TECPR2: variants seen among roughly 807,000 people sequenced by gnomAD.
TECPR2 encodes the protein tectonin beta-propeller repeat containing 2.
TECPR2 carries 65 observed loss-of-function variants against 138.1 expected under a neutral mutation model. The observed-to-expected ratio is 0.47, with a 90% CI of 0.39 to 0.58. The LOEUF (loss-of-function observed/expected upper bound fraction) is 0.58. TECPR2 is among the 20% of genes least tolerant of loss of function. TECPR2 has a pLI of 0.00. For missense variants in TECPR2, 1,553 were observed against 1,824.5 expected, an observed-to-expected ratio of 0.85 and a Z score of 2.71; for synonymous variants, 746 against 749.8, an observed-to-expected ratio of 0.99 and a Z score of 0.08.
In TECPR2 at chr14:102,467,171, T is replaced by C. The variant is rs75149285; in HGVS notation, c.3789+1882T>C. On this transcript the variant is annotated intron_variant, in intron 17 of 19. Coordinates refer to ENST00000359520, the MANE Select transcript of TECPR2 (RefSeq NM_014844.5). Reference sequence around the variant, plus strand: ...GGGAGGATGTATGTTCCCAGTTCTATTGGGTATCTGTCTGTAAGTGGAATT... The same window carrying C: ...GGGAGGATGTATGTTCCCAGTTCTACTGGGTATCTGTCTGTAAGTGGAATT... 4.5e-3 allele frequency among the ~76,000 whole-genome samples: 692 copies of C among 152,326 alleles called. 2 individuals are homozygous for C. The highest frequency in any genetic ancestry group is 0.01 in the Middle Eastern group (3 of 294).
At chr14:102,427,282 T>C (rs1889348739) in intron 6 of TECPR2, among the ~76,000 whole-genome samples, 1 of 152,248 alleles carries the variant, frequency 6.6e-6, no homozygotes, top group Admixed American at 6.5e-5. Flanking sequence ...TTTGTAACTG[T>C]GCATTGGTTC....
At chr14:102,444,103 G>A (rs910680502) in intron 12 of TECPR2, among the ~76,000 whole-genome samples, 5 of 151,976 alleles carry the variant, frequency 3.3e-5, no homozygotes, top group South Asian at 2.1e-4. Flanking sequence ...ATTGCCCACC[G>A]TCAGGTAGTT....
rs774896476 is a variant in TECPR2 at position 102,438,234 on chromosome 14, C to A, written c.2578+29C>A. On this transcript the variant is annotated intron_variant, in intron 10 of 19. Transcript: ENST00000359520. Reference sequence around the variant, plus strand: ...CGCCTCCCCGCTCCCTGCTCCCGCTCCCTGCTCCCGCTCGCCGCTCCTGCT... The same window carrying A: ...CGCCTCCCCGCTCCCTGCTCCCGCTACCTGCTCCCGCTCGCCGCTCCTGCT... 4.4e-6 allele frequency: 7 copies of A among 1,581,750 alleles called. No individual in the cohort carries two copies. The Admixed American group carries it at 1.2e-4, about 27-fold the overall frequency.
At chr14:102,464,393 GT>G (rs201710403) in intron 16 of TECPR2, among the ~76,000 whole-genome samples, 37 of 150,716 alleles carry the variant, frequency 2.5e-4, no homozygotes, top group African/African-American at 8.8e-4. Context: ...ACTTAGTTTT[GT>G]TTTTTTTTGT....
intron 5 of TECPR2, among the ~76,000 whole-genome samples, chr14:102,424,063 A>G (rs1201784347): frequency 6.6e-6 from 1 of 152,224 alleles, no homozygotes; most frequent in East Asian, 1.9e-4. Context: ...ATGCATTGTT[A>G]GGTGACATCT....
At chr14:102,424,789 G>A (rs1889269374) in intron 5 of TECPR2, among the ~76,000 whole-genome samples, 190 bp from the exon 6 acceptor site, 1 of 152,172 alleles carries the variant, frequency 6.6e-6, no homozygotes, top group South Asian at 2.1e-4. Flanking sequence ...GTGAGGGTGT[G>A]GTCGGGCCTC....
intron 17 of TECPR2, among the ~76,000 whole-genome samples, chr14:102,475,751 AT>A (rs1241242469): frequency 6.6e-6 from 1 of 152,156 alleles, no homozygotes; most frequent in African/African-American, 2.4e-5. Context: ...AAGCAGGAAA[AT>A]ACGACCTGCA....
intron 17 of TECPR2, among the ~76,000 whole-genome samples, chr14:102,469,325 T>C (rs1262749211): frequency 6.6e-6 from 1 of 152,210 alleles, no homozygotes; most frequent in Admixed American, 6.5e-5. Flanking sequence ...AGTTCTGTAT[T>C]CCCTTTGATA....
At chr14:102,474,920 T>C (rs1304861894) in intron 17 of TECPR2, among the ~76,000 whole-genome samples, 1 of 151,984 alleles carries the variant, frequency 6.6e-6, no homozygotes, top group Non-Finnish European at 1.5e-5. Flanking sequence ...CTTCTGCAGA[T>C]GAGGAAAGCA....
At chr14:102,439,034 T>C (rs1023639062) in intron 10 of TECPR2, among the ~76,000 whole-genome samples, 1 of 151,940 alleles carries the variant, frequency 6.6e-6, no homozygotes, top group Non-Finnish European at 1.5e-5. Context: ...GCTAATTTTT[T>C]TGTATTTTTT....
At chr14:102,380,673 G>GTTT (rs1887780810) in intron 2 of TECPR2, among the ~76,000 whole-genome samples, 1 of 152,106 alleles carries the variant, frequency 6.6e-6, no homozygotes, top group South Asian at 2.1e-4. Flanking sequence ...GCATTTTTTT[G>GTTT]GTTTTTTGTT....
In TECPR2 at chr14:102,445,779, C is replaced by A. The variant is rs370727059; in HGVS notation, c.2934-27C>A. The A allele has an allele frequency of 1.3e-4, 211 of 1,608,516 alleles. 1 individual carries two copies. In the South Asian group the frequency reaches 2.1e-3, roughly 16 times the overall value. On this transcript the variant is annotated intron_variant, in intron 12 of 19. Transcript: ENST00000359520. ...TGGGCACTCTGCCTATGGGTGCTGA[C>A]CCCCCTGTTCTCCTCCTTATTTTCA...
intron 4 of TECPR2, among the ~76,000 whole-genome samples, chr14:102,410,409 A>G (rs888438510): frequency 1.3e-5 from 2 of 150,882 alleles, no homozygotes; most frequent in Non-Finnish European, 2.9e-5. Context: ...CTATTGTCCC[A>G]TGACCCTGCC....
At chr14:102,444,079 G>A (rs1292138711) in intron 12 of TECPR2, among the ~76,000 whole-genome samples, 2 of 152,054 alleles carry the variant, frequency 1.3e-5, no homozygotes, top group African/African-American at 2.4e-5. Flanking sequence ...CTGTCATGAC[G>A]GTCTCTATTC....
intron 2 of TECPR2, among the ~76,000 whole-genome samples, chr14:102,387,077 A>T (rs1006359174): frequency 1.3e-5 from 2 of 152,242 alleles, no homozygotes; most frequent in Admixed American, 6.5e-5. Context: ...GTTTAGGGAA[A>T]ATCTAAGATT....
intron 5 of TECPR2, among the ~76,000 whole-genome samples, chr14:102,422,152 C>G (rs1317617882): frequency 6.6e-6 from 1 of 152,202 alleles, no homozygotes; most frequent in African/African-American, 2.4e-5. Context: ...GTGACAGACT[C>G]TGACACCTGT....
At chr14:102,497,822 ATC>A in intron 19 of TECPR2, 103 bp downstream of exon 19, 2 of 1,393,192 alleles carry the variant, frequency 1.4e-6, no homozygotes, top group Non-Finnish European at 1.9e-6. Context: ...CTGGGCTCCA[ATC>A]TCTCAAAGCA....
At chr14:102,388,174 T>C (rs1349149553) in intron 2 of TECPR2, among the ~76,000 whole-genome samples, 1 of 152,222 alleles carries the variant, frequency 6.6e-6, no homozygotes, top group Non-Finnish European at 1.5e-5. Context: ...ATGAGGAGCC[T>C]GTGATGTCTG....
chr14:102,469,955 G>A (rs575507048), intron 17 of TECPR2, among the ~76,000 whole-genome samples: 9 of 152,250 alleles, frequency 5.9e-5, no homozygotes, highest in East Asian at 5.8e-4. Context: ...TGGTCATGAT[G>A]TGAAATCCTT....
Sources: gnomAD v4.1 joint callset for allele counts (sites outside exome capture counted in the v4.1 genomes callset) on GRCh38, gnomAD v4.1.1 for gene constraint, MANE v1.5 for transcripts, NCBI Gene and HGNC (gene_info 2026-07-23, HGNC 2026-07-21) for gene names.